PDGFD: variants seen among roughly 807,000 people sequenced by gnomAD.
PDGFD encodes platelet derived growth factor D, also known as platelet-derived growth factor D.
In PDGFD, 30 loss-of-function variants were observed where a neutral mutation model predicts 44.7. The ratio of observed to expected loss-of-function variants is 0.67; its 90% confidence interval spans 0.50 to 0.91. PDGFD has a LOEUF of 0.91. PDGFD is among the 40% of genes least tolerant of loss of function. The pLI, the probability that PDGFD is intolerant of heterozygous loss-of-function variation, is 0.00. For missense variants in PDGFD, 445 were observed against 457.8 expected, an observed-to-expected ratio of 0.97 and a Z score of 0.25; for synonymous variants, 173 against 168.4, an observed-to-expected ratio of 1.03 and a Z score of -0.21.
At chr11:104,127,430 T>C (rs1320142696) in intron 1 of PDGFD, among the ~76,000 whole-genome samples, 6 of 152,118 alleles carry the variant, frequency 3.9e-5, no homozygotes, top group African/African-American at 1.2e-4. Context: ...GGGGAAAAAG[T>C]GATGAAGCCA....
At chr11:103,914,115 G>GA (rs1182275494) in intron 6 of PDGFD, among the ~76,000 whole-genome samples, 22 of 152,326 alleles carry the variant, frequency 1.4e-4, no homozygotes, top group African/African-American at 5.3e-4. Context: ...TGAGTTGGAA[G>GA]AAGAGGTCAG....
At chr11:104,017,427 C>T (rs1460552765) in intron 1 of PDGFD, among the ~76,000 whole-genome samples, 1 of 152,000 alleles carries the variant, frequency 6.6e-6, no homozygotes, top group Non-Finnish European at 1.5e-5. Context: ...AAACCTCTAT[C>T]CATTGCAGAA....
At chr11:104,061,509 A>T (rs1019128442) in intron 1 of PDGFD, among the ~76,000 whole-genome samples, 10 of 152,260 alleles carry the variant, frequency 6.6e-5, no homozygotes, top group African/African-American at 2.4e-4. Context: ...CTGTTCCATT[A>T]ACAGATGAAT....
chr11:104,022,442 A>G (rs1428106798), intron 1 of PDGFD, among the ~76,000 whole-genome samples: 1 of 152,114 alleles, frequency 6.6e-6, no homozygotes, highest in Non-Finnish European at 1.5e-5. Context: ...TGCTTTTGTA[A>G]TTATTGTTTG....
intron 1 of PDGFD, among the ~76,000 whole-genome samples, chr11:104,103,584 A>G (rs555206949): frequency 1.3e-5 from 2 of 151,336 alleles, no homozygotes; most frequent in Non-Finnish European, 2.9e-5. Context: ...CATAAACTGC[A>G]TAACAACCAT....
intron 1 of PDGFD, among the ~76,000 whole-genome samples, chr11:104,055,364 A>T (rs561814475): frequency 3.9e-5 from 6 of 152,264 alleles, no homozygotes; most frequent in African/African-American, 1.4e-4. Context: ...ATATTTGTTG[A>T]AGGGGTAAAT....
At chr11:103,936,627 G>A (rs2134317640) in intron 5 of PDGFD, among the ~76,000 whole-genome samples, 1 of 152,164 alleles carries the variant, frequency 6.6e-6, no homozygotes, top group Middle Eastern at 3.4e-3. Flanking sequence ...TTAGATTTTA[G>A]AGGAAAATGT....
intron 1 of PDGFD, among the ~76,000 whole-genome samples, chr11:104,143,313 G>A (rs769100365): frequency 6.6e-6 from 1 of 152,170 alleles, no homozygotes; most frequent in Non-Finnish European, 1.5e-5. Flanking sequence ...TAAAACTGCT[G>A]TCTAATATCT....
intron 1 of PDGFD, among the ~76,000 whole-genome samples, chr11:104,072,673 T>C (rs1485719053): frequency 2.0e-5 from 3 of 152,014 alleles, no homozygotes; most frequent in African/African-American, 4.8e-5. Context: ...ATTTCTAGTA[T>C]TTCCCCATTA....
intron 2 of PDGFD, 57 bp from the exon 3 acceptor site, chr11:103,996,302 T>C (rs1204801561): frequency 2.8e-6 from 4 of 1,410,126 alleles, no homozygotes; most frequent in Admixed American, 2.0e-5. Flanking sequence ...TTGAAATTCA[T>C]ACTTTCACTG....
intron 3 of PDGFD, among the ~76,000 whole-genome samples, chr11:103,961,265 T>C (rs1374456840): frequency 6.6e-6 from 1 of 152,202 alleles, no homozygotes; most frequent in Non-Finnish European, 1.5e-5. Flanking sequence ...TCATAGCATA[T>C]TGGCTGTTAC....
At chr11:103,969,484 T>G (rs971419258) in intron 3 of PDGFD, among the ~76,000 whole-genome samples, 3 of 148,132 alleles carry the variant, frequency 2.0e-5, no homozygotes, top group Non-Finnish European at 3.0e-5. Context: ...GTTTTTTTTT[T>G]TTTTTTTTTT....
chr11:103,993,100 C>T (rs955194272), intron 3 of PDGFD, among the ~76,000 whole-genome samples: 1 of 152,118 alleles, frequency 6.6e-6, no homozygotes, highest in Non-Finnish European at 1.5e-5. Flanking sequence ...GACAGGGTCT[C>T]ACTCTGACAC....
chr11:104,151,727 C>T (rs924314835), intron 1 of PDGFD, among the ~76,000 whole-genome samples: 1 of 152,060 alleles, frequency 6.6e-6, no homozygotes, highest in Non-Finnish European at 1.5e-5. Flanking sequence ...GAAAGTAAGA[C>T]TTCTGGTCCT....
intron 3 of PDGFD, among the ~76,000 whole-genome samples, chr11:103,952,410 TC>T (rs1045332384): frequency 2.3e-4 from 35 of 152,296 alleles, no homozygotes; most frequent in African/African-American, 8.4e-4. Flanking sequence ...GCTTTTGACT[TC>T]CTCACCTCCT....
chr11:104,114,171 C>A (rs940632393), intron 1 of PDGFD, among the ~76,000 whole-genome samples: 1 of 152,008 alleles, frequency 6.6e-6, no homozygotes, highest in African/African-American at 2.4e-5. Context: ...ATTGCCACAT[C>A]TGAGGTCATC....
At chr11:104,073,250 T>C (rs1860906620) in intron 1 of PDGFD, among the ~76,000 whole-genome samples, 1 of 152,118 alleles carries the variant, frequency 6.6e-6, no homozygotes, top group Non-Finnish European at 1.5e-5. Context: ...AAACAAACAA[T>C]GCAAGTGCCT....
At chr11:104,107,888 T>C (rs1483598288) in intron 1 of PDGFD, among the ~76,000 whole-genome samples, 1 of 152,182 alleles carries the variant, frequency 6.6e-6, no homozygotes, top group Non-Finnish European at 1.5e-5. Context: ...ATTAATGTCA[T>C]TGCTATTGCT....
At chr11:103,923,358 T>G (rs983352291) in intron 6 of PDGFD, among the ~76,000 whole-genome samples, 2 of 152,188 alleles carry the variant, frequency 1.3e-5, no homozygotes, top group Non-Finnish European at 2.9e-5. Context: ...ACAACTAATA[T>G]GACCTGTGAA....
Sources: allele counts gnomAD v4.1 joint callset (sites outside exome capture counted in the v4.1 genomes callset), GRCh38; gene constraint gnomAD v4.1.1; transcripts MANE v1.5; gene names NCBI Gene and HGNC (gene_info 2026-07-23, HGNC 2026-07-21).